Variants in TRAF7 observed in about 807,000 individuals in gnomAD.
TRAF7 encodes E3 ubiquitin-protein ligase TRAF7.
In TRAF7, 45 loss-of-function variants were observed where a neutral mutation model predicts 89.3. The observed-to-expected ratio is 0.50, with a 90% CI of 0.40 to 0.65. TRAF7 has a LOEUF of 0.65. TRAF7 is among the 30% of genes least tolerant of loss of function. The probability of loss-of-function intolerance (pLI) is 0.00; values close to 1 mark genes in which losing one functional copy is unlikely to be tolerated. For synonymous variants in TRAF7, 406 were observed against 369.2 expected, an observed-to-expected ratio of 1.10 and a Z score of -1.14; for missense variants, 677 against 918.1, an observed-to-expected ratio of 0.74 and a Z score of 3.39.
intron 5 of TRAF7, 127 bp downstream of exon 5, chr16:2,170,857 A>C: frequency 1.1e-6 from 1 of 882,508 alleles, no homozygotes; most frequent in Non-Finnish European, 1.8e-6. Flanking sequence ...CCTGACGGGA[A>C]CTGCAGTGCT....
In TRAF7 at chr16:2,166,014, G is replaced by A. The variant is rs879231811; in HGVS notation, c.139+78G>A. 2.7e-5 allele frequency: 43 copies of A among 1,566,378 alleles called. 1 individual carries two copies. The South Asian group carries it at 4.3e-4, about 16-fold the overall frequency. ...ATGCCCACCCTGCTAAGGACTGAGG[G>A]ACACTTCCCGGTGAGCTGGTGTTGG... is the stretch of plus-strand genomic sequence containing the variant. On this transcript the variant is annotated intron_variant, in intron 3 of 20. Coordinates refer to ENST00000326181, the MANE Select transcript of TRAF7 (RefSeq NM_032271.3).
chr16:2,162,888 C>T lies in TRAF7; in HGVS notation c.-38-995C>T, dbSNP rs140929758. ...GCTGTCCCAGCTGCATTCTGCCAGG[C>T]TCCTGGCTTCCAGGCTGCCCAAGTC... On this transcript the variant is annotated intron_variant, in intron 1 of 20. Coordinates refer to ENST00000326181, the MANE Select transcript of TRAF7 (RefSeq NM_032271.3). This position sits in a 1 kb window ranked among gnomAD's most constrained non-coding sequence, Gnocchi z 5.0. 6.9e-3 allele frequency among the ~76,000 whole-genome samples: 1,051 copies of T among 152,230 alleles called. 15 individuals are homozygous for T. Among genetic ancestry groups the T allele is most frequent in the Admixed American group, 9.2e-3 (141 of 15,306 alleles).
intron 3 of TRAF7, among the ~76,000 whole-genome samples, chr16:2,167,516 A>G (rs568814497): frequency 6.6e-6 from 1 of 152,252 alleles, no homozygotes; most frequent in African/African-American, 2.4e-5. Context: ...AGAGGAGGCC[A>G]CCAAAGCTGG....
chr16:2,175,349 G>A lies in TRAF7; in HGVS notation c.1435G>A (p.Asp479Asn). Residue 479 changes from aspartate to asparagine, a missense_variant, in exon 16 of 21, where the codon GAC becomes AAC. By Grantham distance (23) the Asp-to-Asn change is conservative (BLOSUM62 1). Transcript: ENST00000326181. ...LQKVNTIRAH[D>N]NPVCTLVSSH... ...GAAGGTGAACACCATCCGGGCCCAT[G>A]ACAACCCGGTGTGCACGCTGGTCTC... The A allele has an allele frequency of 6.2e-7, 1 of 1,613,586 alleles. No homozygotes were observed. Among genetic ancestry groups the A allele is most frequent in the Non-Finnish European group, 8.5e-7 (1 of 1,180,012 alleles).
At position 2,175,345 on chromosome 16, in the gene TRAF7, C is replaced by T. The variant is rs754670700; in HGVS notation, c.1431C>T (p.Ala477=). 6.2e-7 allele frequency: 1 copy of T among 1,613,570 alleles called. No homozygotes were observed. Among genetic ancestry groups the T allele is most frequent in the East Asian group, 2.2e-5 (1 of 44,884 alleles). Reference sequence around the variant, plus strand: ...TGCAGAAGGTGAACACCATCCGGGCCCATGACAACCCGGTGTGCACGCTGG... The same window carrying T: ...TGCAGAAGGTGAACACCATCCGGGCTCATGACAACCCGGTGTGCACGCTGG... The part of the protein sequence containing the change: ...QNLQKVNTIR[A]HDNPVCTLVS... Residue 477 remains alanine, a synonymous_variant, in exon 16 of 21, where the codon GCC becomes GCT. Coordinates refer to ENST00000326181, the MANE Select transcript of TRAF7 (RefSeq NM_032271.3).
Position 2,170,614 on chromosome 16 carries a change from C to A in TRAF7, c.232C>A (p.Pro78Thr). The change falls in exon 5 of 21, where the codon CCC becomes ACC. Residue 78 changes from proline (P) to threonine (T), a missense_variant and splice_region_variant. By Grantham distance (38) the Pro-to-Thr change is conservative. Around this residue, in one of 6 missense-constraint regions of TRAF7, gnomAD observed 240 missense variants for 191.9 expected, o/e 1.25. Transcript: ENST00000326181. ...YSPRDEEDSMPPISTPRRSDS... is the reference protein window; with the variant it reads ...YSPRDEEDSMTPISTPRRSDS... Reference sequence around the variant, plus strand: ...GACAGGCGCCTCTCCCTCCACACAGCCCCCCATCAGCACTCCCCGCCGCTC... The same window carrying A: ...GACAGGCGCCTCTCCCTCCACACAGACCCCCATCAGCACTCCCCGCCGCTC... The A allele has an allele frequency of 6.2e-7, 1 of 1,607,960 alleles. No individual in the cohort carries two copies. Among genetic ancestry groups the A allele is most frequent in the Non-Finnish European group, 8.5e-7 (1 of 1,177,650 alleles).
Position 2,173,993 on chromosome 16 carries a change from G to C in TRAF7, c.1208G>C (p.Cys403Ser). ...CACCAGGGCCCTGTGTGGTGTCTCT[G>C]CGTCTACTCCATGGGTGACCTGCTC... ...VGHQGPVWCL[C>S]VYSMGDLLFS... The change falls in exon 13 of 21, where the codon TGC becomes TCC. Residue 403 changes from cysteine (C) to serine (S), a missense_variant. Physicochemically the swap from Cys to Ser is moderately radical, Grantham distance 112. Around this residue, in one of 6 missense-constraint regions of TRAF7, gnomAD observed 15 missense variants for 61.5 expected, o/e 0.24. Coordinates refer to ENST00000326181, the MANE Select transcript of TRAF7 (RefSeq NM_032271.3). 1 of 1,613,752 alleles carries C rather than the reference G, an allele frequency of 6.2e-7. No homozygotes were observed.
At chr16:2,157,541 A>G (rs2093040047) in intron 1 of TRAF7, among the ~76,000 whole-genome samples, 1 of 151,874 alleles carries the variant, frequency 6.6e-6, no homozygotes, top group Non-Finnish European at 1.5e-5. Context: ...CAAGGCTCCT[A>G]GCTCCTCCCG....
At chr16:2,164,430 G>C (rs2093073570) in intron 2 of TRAF7, among the ~76,000 whole-genome samples, 1 of 143,502 alleles carries the variant, frequency 7.0e-6, no homozygotes, top group Non-Finnish European at 1.5e-5. Flanking sequence ...TGCGTGGCCT[G>C]GCCTGGTCGC....
intron 2 of TRAF7, among the ~76,000 whole-genome samples, 156 bp downstream of exon 2, chr16:2,164,157 T>TGCGCGCGCGC (rs1264547649): frequency 7.9e-6 from 1 of 126,450 alleles, no homozygotes; most frequent in Non-Finnish European, 1.7e-5. Flanking sequence ...TGTGTGTGTG[T>TGCGCGCGCGC]GTGCGCGCGC....
Position 2,174,301 on chromosome 16 carries a change from T to C in TRAF7, c.1314T>C (p.His438=). Reference sequence around the variant, plus strand: ...AGTGTCAGAAGACACTGGAGGGCCATGATGGCATCGTGCTGGCTCTCTGCA... The same window carrying C: ...AGTGTCAGAAGACACTGGAGGGCCACGATGGCATCGTGCTGGCTCTCTGCA... ...TYKCQKTLEG[H]DGIVLALCIQ... Residue 438 remains histidine (H), a synonymous_variant, in exon 14 of 21, where the codon CAT becomes CAC. Coordinates refer to ENST00000326181, the MANE Select transcript of TRAF7 (RefSeq NM_032271.3). 6.2e-7 allele frequency: 1 copy of C among 1,613,260 alleles called. No homozygotes were observed. The highest frequency in any genetic ancestry group is 8.5e-7 in the Non-Finnish European group (1 of 1,179,978).
intron 7 of TRAF7, 115 bp downstream of exon 7, chr16:2,171,720 T>TG (rs2093112115): frequency 1.3e-6 from 2 of 1,526,252 alleles, no homozygotes; most frequent in African/African-American, 2.7e-5. Flanking sequence ...TGGCCTCTGC[T>TG]GGGGTTGGGA....
At position 2,176,853 on chromosome 16, in the gene TRAF7, G is replaced by C. The variant is rs772388198; in HGVS notation, c.*279G>C. ...CATCCCCACCCTAGATGGAGCGAGG[G>C]CCTTTTTACTCACCTTTTCTACCGT... On this transcript the variant is annotated 3_prime_UTR_variant, in exon 21 of 21. Transcript: ENST00000326181. 189 of 586,104 alleles carry C rather than the reference G, an allele frequency of 3.2e-4. No homozygotes were observed. Among genetic ancestry groups the C allele is most frequent in the Non-Finnish European group, 5.0e-4 (163 of 327,762 alleles). 36.3% of individuals were successfully genotyped at this position (586,104 alleles called of 1,614,324 possible).
intron 4 of TRAF7, among the ~76,000 whole-genome samples, chr16:2,170,142 C>T (rs1021250160): frequency 6.6e-6 from 1 of 152,168 alleles, no homozygotes; most frequent in South Asian, 2.1e-4. Context: ...CTGGTGTCCC[C>T]CACCAGCAAG....
intron 1 of TRAF7, 38 bp downstream of exon 1, chr16:2,155,896 G>A (rs962045104): frequency 2.0e-5 from 3 of 149,974 alleles, no homozygotes; most frequent in African/African-American, 7.3e-5. Flanking sequence ...CGGGGCTCGC[G>A]CCTCGGGACC....
chr16:2,160,058 C>CCGAAGAGGGGCTGGGGTGGAGGCAG (rs1567245169), intron 1 of TRAF7, among the ~76,000 whole-genome samples: 2 of 152,194 alleles, frequency 1.3e-5, no homozygotes, highest in African/African-American at 2.4e-5. Context: ...GAGGGATTTG[C>CCGAAGAGGGGCTGGGGTGGAGGCAG]CGAAGAGGGG....
chr16:2,171,962 C>T (rs1050106210), intron 7 of TRAF7, among the ~76,000 whole-genome samples: 3 of 152,204 alleles, frequency 2.0e-5, no homozygotes, highest in Non-Finnish European at 4.4e-5. Flanking sequence ...CTGCCCTCTG[C>T]CCTCTTGGCC....
At position 2,157,572 on chromosome 16, in the gene TRAF7, G is replaced by T. The variant is rs117223088; in HGVS notation, c.-39+1714G>T. On this transcript the variant is annotated intron_variant, in intron 1 of 20. Transcript: ENST00000326181. ...TCCCGGGTCAGATTCGTGTTCAGCC[G>T]TCACACATCCCCACCCTCCCGCATG... Among the ~76,000 whole-genome samples the T allele has an allele frequency of 3.8e-4, 58 of 152,300 alleles. No homozygotes were observed. The East Asian group carries it at 0.011, about 29-fold the overall frequency.
chr16:2,173,536 G>A lies in TRAF7; in HGVS notation c.1068G>A (p.Arg356=), dbSNP rs1252230896. 2 of 1,613,292 alleles carry A rather than the reference G, an allele frequency of 1.2e-6. No individual in the cohort carries two copies. The highest frequency in any genetic ancestry group is 1.7e-5 in the Admixed American group (1 of 60,016). The change falls in exon 11 of 21, where the codon CGG becomes CGA. Residue 356 remains arginine, a synonymous_variant. Transcript: ENST00000326181. The stretch of plus-strand genomic sequence containing the variant: ...GCGAGGACCTCATGGAGTTCCGGCG[G>A]GACGCATCCATGTTAAATGTGAGCG... The part of the protein sequence containing the change: ...KLSEDLMEFR[R]DASMLNDELS...
Sources: allele counts gnomAD v4.1 joint callset (sites outside exome capture counted in the v4.1 genomes callset), GRCh38; gene constraint gnomAD v4.1.1; regional missense constraint gnomAD v4.1.1; non-coding constraint Gnocchi (gnomAD v3.1); transcripts MANE v1.5; gene names NCBI Gene and HGNC (gene_info 2026-07-23, HGNC 2026-07-21).